Variants in KAZN observed in about 807,000 individuals in gnomAD.
The protein encoded by KAZN is kazrin.
In KAZN, 40 loss-of-function variants were observed where a neutral mutation model predicts 87.4. That is an observed-to-expected ratio of 0.46 (90% confidence interval 0.36 to 0.60). The LOEUF (loss-of-function observed/expected upper bound fraction) is 0.60. Among genes scored for constraint, KAZN ranks in the 20% least tolerant of loss-of-function variants. The probability of loss-of-function intolerance (pLI) is 0.00; values close to 1 mark genes in which losing one functional copy is unlikely to be tolerated. For synonymous variants in KAZN, 466 were observed against 458.3 expected (o/e 1.02, Z -0.22); for missense variants, 898 against 1,073.9 (o/e 0.84, Z 2.29).
chr1:14,751,942 A>G (rs1208709652), intron 1 of KAZN, among the ~76,000 whole-genome samples: 3 of 152,146 alleles, frequency 2.0e-5, no homozygotes, highest in East Asian at 1.9e-4. Context: ...AAGAAGAAAA[A>G]AAGTTTTATT....
intron 2 of KAZN, among the ~76,000 whole-genome samples, chr1:15,026,305 T>C (rs1255298743): frequency 6.6e-6 from 1 of 152,186 alleles, no homozygotes; most frequent in African/African-American, 2.4e-5. Context: ...TCCTGTCACA[T>C]AGAGCCTTGC....
intron 2 of KAZN, among the ~76,000 whole-genome samples, chr1:14,557,309 T>G (rs1673943998): frequency 1.3e-5 from 2 of 151,840 alleles, no homozygotes; most frequent in African/African-American, 2.4e-5. Context: ...TCAAAGTTAT[T>G]TTTAAAAGAC....
At chr1:14,415,609 T>C (rs1011653005) in intron 2 of KAZN, among the ~76,000 whole-genome samples, 5 of 152,080 alleles carry the variant, frequency 3.3e-5, no homozygotes, top group African/African-American at 1.2e-4. Context: ...CCAGTGGCCG[T>C]TAAGAATGAG....
intron 2 of KAZN, among the ~76,000 whole-genome samples, chr1:14,363,359 G>C (rs192506448): frequency 6.6e-6 from 1 of 152,208 alleles, no homozygotes; most frequent in East Asian, 1.9e-4. Flanking sequence ...CAGCCCAGAC[G>C]GAGTGTAGCT....
chr1:14,459,610 C>CA (rs1667753126), intron 2 of KAZN, among the ~76,000 whole-genome samples: 1 of 152,134 alleles, frequency 6.6e-6, no homozygotes, highest in South Asian at 2.1e-4. Flanking sequence ...ACCAATTAAC[C>CA]ATGTCTCCCC....
intron 1 of KAZN, among the ~76,000 whole-genome samples, chr1:14,920,606 G>A (rs1658401559): frequency 1.3e-5 from 2 of 152,156 alleles, no homozygotes; most frequent in Non-Finnish European, 2.9e-5. Flanking sequence ...GGGGGTCTGG[G>A]AAGGTCTCCT....
At chr1:15,007,959 C>T (rs561198658) in intron 2 of KAZN, among the ~76,000 whole-genome samples, 6 of 152,242 alleles carry the variant, frequency 3.9e-5, no homozygotes, top group African/African-American at 1.4e-4. Flanking sequence ...CAGAGGCGGC[C>T]CCTGCGAGTG....
At chr1:14,722,385 T>A (rs1179723321) in intron 1 of KAZN, among the ~76,000 whole-genome samples, 1 of 152,212 alleles carries the variant, frequency 6.6e-6, no homozygotes, top group African/African-American at 2.4e-5. Context: ...GTCATTAAGT[T>A]ATTATAATAT....
intron 1 of KAZN, among the ~76,000 whole-genome samples, chr1:14,724,375 C>A (rs914439283): frequency 6.6e-6 from 1 of 152,158 alleles, no homozygotes; most frequent in Admixed American, 6.6e-5. Flanking sequence ...GATGCGTCTG[C>A]GGGAGAGCTG....
intron 1 of KAZN, among the ~76,000 whole-genome samples, chr1:14,790,035 T>G (rs1397695031): frequency 6.6e-6 from 1 of 151,960 alleles, no homozygotes; most frequent in Admixed American, 6.6e-5. Flanking sequence ...AGAGTTTCAC[T>G]CTTGTTGCCC....
At chr1:14,664,401 C>T (rs192968762) in intron 1 of KAZN, among the ~76,000 whole-genome samples, 1 of 152,240 alleles carries the variant, frequency 6.6e-6, no homozygotes, top group Non-Finnish European at 1.5e-5. Flanking sequence ...CCACTGCACT[C>T]CATCCTGGGT....
At chr1:14,263,637 C>T (rs544386220) in intron 2 of KAZN, among the ~76,000 whole-genome samples, 9 of 149,092 alleles carry the variant, frequency 6.0e-5, no homozygotes, top group South Asian at 4.4e-4. Context: ...AGTGTGGGAG[C>T]GGGGGCAGGG....
chr1:14,894,492 G>A (rs138943469), intron 1 of KAZN, among the ~76,000 whole-genome samples: 22 of 152,362 alleles, frequency 1.4e-4, no homozygotes, highest in Non-Finnish European at 2.8e-4. Context: ...CGTCAAGGGT[G>A]TAGAGTGCCT....
intron 1 of KAZN, among the ~76,000 whole-genome samples, chr1:14,867,376 A>C (rs1442126214): frequency 6.6e-6 from 1 of 152,126 alleles, no homozygotes; most frequent in Non-Finnish European, 1.5e-5. Flanking sequence ...CCAGGCACCA[A>C]AATAGAAAGC....
At chr1:14,349,095 G>C (rs1464721565) in intron 2 of KAZN, 1 of 152,246 alleles carries the variant, frequency 6.6e-6, no homozygotes, top group Non-Finnish European at 1.5e-5. Context: ...TGTTCTTGGG[G>C]AGACAAGATG....
Position 13,949,029 on chromosome 1 carries a change from A to C in KAZN, c.91+55273A>C, listed in dbSNP as rs538209168. ...ATCCAGCATGTACTCTGTGTTCAAT[A>C]AATACGCTGATAAATGCTGAGTAAA... On this transcript the variant is annotated intron_variant, in intron 1 of 16. Transcript: ENST00000636203. 2.0e-5 allele frequency among the ~76,000 whole-genome samples: 3 copies of C among 152,302 alleles called. No individual in the cohort carries two copies. In the South Asian group the frequency reaches 6.2e-4, roughly 32 times the overall value.
intron 1 of KAZN, among the ~76,000 whole-genome samples, chr1:14,817,230 C>T (rs909379131): frequency 7.2e-5 from 11 of 152,148 alleles, no homozygotes; most frequent in South Asian, 4.1e-4. Flanking sequence ...TATATCTTGG[C>T]GACCCCCTGC....
chr1:14,280,407 T>TGCATTG (rs1652760178), intron 2 of KAZN, among the ~76,000 whole-genome samples: 1 of 144,320 alleles, frequency 6.9e-6, no homozygotes, highest in Non-Finnish European at 1.5e-5. Context: ...AAGACGAGGT[T>TGCATTG]GCATTGGAGT....
At chr1:14,764,386 A>ACCC (rs55743205) in intron 1 of KAZN, among the ~76,000 whole-genome samples, 75 of 117,482 alleles carry the variant, frequency 6.4e-4, no homozygotes, top group African/African-American at 9.8e-4. Context: ...CCTCCCCCAC[A>ACCC]CCCCCCCCAC....
Sources: allele counts gnomAD v4.1 joint callset (sites outside exome capture counted in the v4.1 genomes callset), GRCh38; gene constraint gnomAD v4.1.1; transcripts MANE v1.5; gene names NCBI Gene and HGNC (gene_info 2026-07-23, HGNC 2026-07-21).